SRGAP1: variants seen among roughly 807,000 people sequenced by gnomAD.
The protein encoded by SRGAP1 is SLIT-ROBO Rho GTPase-activating protein 1.
A neutral mutation model predicts 121.9 loss-of-function variants in SRGAP1; 43 were observed. The ratio of observed to expected loss-of-function variants is 0.35; its 90% CI spans 0.28 to 0.46. The LOEUF is 0.46. Ranked by LOEUF, SRGAP1 falls within the 20% of genes least tolerant of loss-of-function variation. The pLI, the probability that SRGAP1 is intolerant of heterozygous loss-of-function variation, is 1.00. For missense variants in SRGAP1, 1,102 were observed against 1,350.9 expected (o/e 0.82, Z 2.89); for synonymous variants, 447 against 485.4 (o/e 0.92, Z 1.04).
intron 1 of SRGAP1, among the ~76,000 whole-genome samples, chr12:63,885,672 A>G (rs377268450): frequency 2.2e-4 from 33 of 152,334 alleles, no homozygotes; most frequent in African/African-American, 7.7e-4. Flanking sequence ...TTTGACCCAC[A>G]ATCAGGTTAG....
At chr12:63,863,919 T>C (rs1899538548) in intron 1 of SRGAP1, among the ~76,000 whole-genome samples, 2 of 152,214 alleles carry the variant, frequency 1.3e-5, no homozygotes, top group South Asian at 2.1e-4. Flanking sequence ...AACAGGTGGA[T>C]TGGTTACAGC....
rs377564318 is a variant in SRGAP1, at chr12:64,094,974, C to T, written c.1582C>T (p.Arg528Trp). The T allele has an allele frequency of 4.9e-4, 793 of 1,613,856 alleles. 2 individuals carry two copies. Among genetic ancestry groups the T allele is most frequent in the Non-Finnish European group, 6.2e-4 (734 of 1,179,962 alleles). Residue 528 changes from arginine (R) to tryptophan (W), a missense_variant, in exon 13 of 22, where the codon CGG becomes TGG. Around this residue, in one of 3 missense-constraint regions of SRGAP1, gnomAD observed 747 missense variants for 929.4 expected, o/e 0.80. Coordinates refer to ENST00000355086, the MANE Select transcript of SRGAP1 (RefSeq NM_020762.4). ...TCCCCTCATTGTGGAAAGCTGTATT[C>T]GGTTCATCAATCTCTATGGTAAGCC... ...VIPLIVESCI[R>W]FINLYGLQHQ...
At position 64,160,343 on chromosome 12, in the gene SRGAP1, CTT is replaced by C. The variant is rs781744811; in HGVS notation, c.*17673_*17674del. 3 of 152,164 alleles carry C rather than the reference CTT, an allele frequency of 2.0e-5. No homozygotes were observed. The highest frequency in any genetic ancestry group is 4.4e-5 in the Non-Finnish European group (3 of 68,040). 9.4% of individuals were successfully genotyped at this position (152,164 alleles called of 1,614,324 possible). Reference sequence around the variant, plus strand: ...GAGACATTCCATGTCTAGAAAGTGTCTTTATCTCACATGTAATTGTGATAGTC... The same window carrying C: ...GAGACATTCCATGTCTAGAAAGTGTCTATCTCACATGTAATTGTGATAGTC... On this transcript the variant is annotated 3_prime_UTR_variant, in exon 22 of 22. Transcript: ENST00000355086.
intron 1 of SRGAP1, among the ~76,000 whole-genome samples, chr12:63,913,811 ACT>A (rs2030660287): frequency 6.6e-6 from 1 of 152,112 alleles, no homozygotes; most frequent in East Asian, 1.9e-4. Context: ...TAATTTTATG[ACT>A]CTGGAATCTA....
rs1352633062 is a variant in SRGAP1, at chr12:64,062,981, A to G, written c.866A>G (p.Tyr289Cys). 6.2e-7 allele frequency: 1 copy of G among 1,614,038 alleles called. No homozygotes were observed. The highest frequency in any genetic ancestry group is 1.7e-5 in the Admixed American group (1 of 60,006). The change falls in exon 7 of 22, where the codon TAC becomes TGC. Residue 289 changes from tyrosine to cysteine, a missense_variant. Physicochemically the swap from Tyr to Cys is radical, Grantham distance 194 (BLOSUM62 -2). Around this residue, in one of 3 missense-constraint regions of SRGAP1, gnomAD observed 747 missense variants for 929.4 expected, o/e 0.80. Transcript: ENST00000355086. ...CTAAGAACATATCTGTCTGCGGAGT[A>G]CAACCTTGAAACCTCCAGACATGAG... Reference protein sequence around the residue: ...RALRTYLSAEYNLETSRHEGL... With the variant: ...RALRTYLSAECNLETSRHEGL...
intron 1 of SRGAP1, among the ~76,000 whole-genome samples, chr12:63,926,262 ATAATAGT>A (rs1384832272): frequency 1.3e-5 from 2 of 152,178 alleles, no homozygotes; most frequent in Non-Finnish European, 2.9e-5. Flanking sequence ...TTTGTTATAA[ATAATAGT>A]TAAGAGTTGC....
intron 6 of SRGAP1, among the ~76,000 whole-genome samples, chr12:64,055,288 A>G (rs2035319007): frequency 7.1e-6 from 1 of 141,600 alleles, no homozygotes; most frequent in Non-Finnish European, 1.5e-5. Context: ...TAGGAATCCA[A>G]CTTACAAGGG....
rs1223126012 is a variant in SRGAP1, at chr12:64,150,949, A to AAAAAAAAAAAAAAC, written c.*8288_*8289insAACAAAAAAAAAAA. 6.7e-6 allele frequency: 1 copy of AAAAAAAAAAAAAAC among 148,340 alleles called. No homozygotes were observed. 9.2% of individuals were successfully genotyped at this position (148,340 alleles called of 1,614,324 possible). ...GAAGCTATCTCAAAAAAAAAAAAAA[A>AAAAAAAAAAAAAAC]AAAAAAAAAAACATGGTCAAGATTT... On this transcript the variant is annotated 3_prime_UTR_variant, in exon 22 of 22. Coordinates refer to ENST00000355086, the MANE Select transcript of SRGAP1 (RefSeq NM_020762.4).
chr12:64,108,487 A>AG (rs143295865), intron 15 of SRGAP1, among the ~76,000 whole-genome samples: 59 of 152,312 alleles, frequency 3.9e-4, no homozygotes, highest in African/African-American at 1.4e-3. Flanking sequence ...ATTTTGAGAA[A>AG]GGAGAGATTC....
Position 64,091,372 on chromosome 12 carries a change from C to T in SRGAP1, c.1533C>T (p.Phe511=), listed in dbSNP as rs1049114341. 25 of 1,603,552 alleles carry T rather than the reference C, an allele frequency of 1.6e-5. No homozygotes were observed. Among genetic ancestry groups the T allele is most frequent in the South Asian group, 2.2e-5 (2 of 89,004 alleles). ...TGTTTAATGGGGATTTGGAAACATT[C>T]GTCAAGGTACTGGCACCAGCCATCT... is the stretch of plus-strand genomic sequence containing the variant. The part of the protein sequence containing the change: ...TKLFNGDLET[F]VKDSGQVIPL... The change falls in exon 12 of 22, where the codon TTC becomes TTT. Residue 511 remains phenylalanine, a synonymous_variant. Transcript: ENST00000355086.
chr12:64,112,075 G>A (rs2036438853), intron 17 of SRGAP1, 89 bp downstream of exon 17: 8 of 1,004,384 alleles, frequency 8.0e-6, no homozygotes, highest in Non-Finnish European at 1.2e-5. Flanking sequence ...TTTCCCATAA[G>A]CCACCAATGC....
At position 64,150,198 on chromosome 12, in the gene SRGAP1, C is replaced by T. The variant is rs2037102588; in HGVS notation, c.*7526C>T. 6.6e-6 allele frequency: 1 copy of T among 152,260 alleles called. No individual in the cohort carries two copies. The highest frequency in any genetic ancestry group is 2.4e-5 in the African/African-American group (1 of 41,544). The allele number at this position is 152,260 out of a possible 1,614,324, so 9.4% of individuals were successfully genotyped here. A position where few individuals can be genotyped will look rare whatever the true frequency, so the allele number is the denominator to read the frequency against. ...GGTTGGGAAGAGAGATTGCTCCTCC[C>T]GCAGTGCTGAAACAACATGCCTTGT... On this transcript the variant is annotated 3_prime_UTR_variant, in exon 22 of 22. Transcript: ENST00000355086.
chr12:64,054,372 T>C (rs1235962196), intron 6 of SRGAP1, among the ~76,000 whole-genome samples: 2 of 152,246 alleles, frequency 1.3e-5, no homozygotes, highest in Admixed American at 6.5e-5. Context: ...TTATCTTTTC[T>C]GAATAATCAG....
chr12:63,869,176 T>A (rs903993202), intron 1 of SRGAP1, among the ~76,000 whole-genome samples: 8 of 152,168 alleles, frequency 5.3e-5, no homozygotes, highest in African/African-American at 1.9e-4. Context: ...TGGCTCACAG[T>A]TCTGGTTGCT....
At chr12:63,889,153 C>T (rs1165438276) in intron 1 of SRGAP1, among the ~76,000 whole-genome samples, 1 of 152,230 alleles carries the variant, frequency 6.6e-6, no homozygotes, top group Non-Finnish European at 1.5e-5. Context: ...TATCTGCAAG[C>T]TCCTCACCCC....
chr12:64,115,140 T>C (rs921846587), intron 17 of SRGAP1, among the ~76,000 whole-genome samples: 2 of 152,132 alleles, frequency 1.3e-5, no homozygotes, highest in Non-Finnish European at 2.9e-5. Flanking sequence ...GAATGACCAA[T>C]TTATATGTAG....
At position 63,948,982 on chromosome 12, in the gene SRGAP1, A is replaced by T. The variant is rs60368622; in HGVS notation, c.68-34965A>T. Reference sequence around the variant, plus strand: ...ATATATATATTTTCCATATATATATATTCCATATATGTATTTTCCATATAT... The same window carrying T: ...ATATATATATTTTCCATATATATATTTTCCATATATGTATTTTCCATATAT... On this transcript the variant is annotated intron_variant, in intron 1 of 21. Transcript: ENST00000355086. Among the ~76,000 whole-genome samples, 262 of 125,584 alleles carry T rather than the reference A, an allele frequency of 2.1e-3. 84 individuals are homozygous for T. The highest frequency in any genetic ancestry group is 5.4e-3 in the East Asian group (23 of 4,262). The allele number at this position is 125,584 out of a possible 152,430, so 82.4% of individuals were successfully genotyped here. A position where few individuals can be genotyped will look rare whatever the true frequency, so the allele number is the denominator to read the frequency against.
chr12:63,873,427 G>A (rs1415629911), intron 1 of SRGAP1, among the ~76,000 whole-genome samples: 1 of 151,656 alleles, frequency 6.6e-6, no homozygotes, highest in Non-Finnish European at 1.5e-5. Context: ...CAGCTACTTA[G>A]GAGGCTGAGG....
At chr12:63,854,372 G>A (rs1038368243) in intron 1 of SRGAP1, among the ~76,000 whole-genome samples, 2 of 152,156 alleles carry the variant, frequency 1.3e-5, no homozygotes, top group Admixed American at 6.5e-5. Context: ...AATTGGAATA[G>A]TAGTGTTTTG....
Sources: allele counts gnomAD v4.1 joint callset (sites outside exome capture counted in the v4.1 genomes callset), GRCh38; gene constraint gnomAD v4.1.1; regional missense constraint gnomAD v4.1.1; transcripts MANE v1.5; gene names NCBI Gene and HGNC (gene_info 2026-07-23, HGNC 2026-07-21).